Variants in NUMA1 observed in about 807,000 individuals in gnomAD.
The protein encoded by NUMA1 is SP-H antigen.
NUMA1 carries 62 observed loss-of-function variants against 237.1 expected under a neutral mutation model. The observed-to-expected ratio is 0.26, with a 90% CI of 0.21 to 0.32. The LOEUF is 0.32. Among genes scored for constraint, NUMA1 ranks in the 10% least tolerant of loss-of-function variants. The pLI, the probability that NUMA1 is intolerant of heterozygous loss-of-function variation, is 1.00. For synonymous variants in NUMA1, 1,028 were observed against 1,066.1 expected (o/e 0.96, Z 0.70); for missense variants, 2,533 against 2,666.5 (o/e 0.95, Z 1.10).
At chr11:72,064,095 T>C (rs1377554665) in intron 2 of NUMA1, among the ~76,000 whole-genome samples, 1 of 152,034 alleles carries the variant, frequency 6.6e-6, no homozygotes, top group Admixed American at 6.6e-5. Flanking sequence ...AAACTAAATA[T>C]CTAACAATAA....
chr11:72,078,114 C>T (rs953075622), intron 1 of NUMA1, among the ~76,000 whole-genome samples: 1 of 152,200 alleles, frequency 6.6e-6, no homozygotes, highest in South Asian at 2.1e-4. Flanking sequence ...CTCCCGCCTG[C>T]TCCTCCTGCC....
intron 4 of NUMA1, among the ~76,000 whole-genome samples, chr11:72,027,316 C>T (rs565151273): frequency 3.9e-5 from 6 of 152,104 alleles, no homozygotes; most frequent in Non-Finnish European, 7.4e-5. Flanking sequence ...TGTCAGGTGC[C>T]TGGATCTATC....
In NUMA1 at chr11:72,015,153, C is replaced by T; in HGVS notation, c.2350G>A (p.Val784Ile). The change falls in exon 15 of 27, where the codon GTC (valine) becomes ATC (isoleucine). Residue 784 changes from valine to isoleucine, a missense_variant. By Grantham distance (29) the Val-to-Ile change is conservative. Around this residue, in one of 3 missense-constraint regions of NUMA1, gnomAD observed 1,414 missense variants for 1,508.1 expected, o/e 0.94. Coordinates refer to ENST00000393695, the MANE Select transcript of NUMA1 (RefSeq NM_006185.4). The surrounding 1 kb of genome is among the most constrained non-coding windows in gnomAD (Gnocchi z 4.0). ...GCCTCTGCCAGCTCCCGCCGCAGGA[C>T]TTCAGTCTCAGCCTGATGGGCCTCC... ...LGEAHQAETE[V>I]LRRELAEAMA... The T allele has an allele frequency of 6.2e-7, 1 of 1,613,556 alleles. No individual in the cohort carries two copies. The highest frequency in any genetic ancestry group is 8.5e-7 in the Non-Finnish European group (1 of 1,180,036).
chr11:72,004,856 A>G (rs1955574658), intron 23 of NUMA1, 40 bp from the exon 24 acceptor site: 3 of 1,515,948 alleles, frequency 2.0e-6, no homozygotes, highest in East Asian at 2.3e-5. Flanking sequence ...CCATAGCTGT[A>G]TGGAGATGGA....
chr11:72,080,392 C>T (rs1271753380), intron 1 of NUMA1, 66 bp downstream of exon 1: 1 of 151,116 alleles, frequency 6.6e-6, no homozygotes, highest in Non-Finnish European at 1.5e-5. Context: ...TCCAGCACCC[C>T]TTTTAGGCCT....
intron 17 of NUMA1, among the ~76,000 whole-genome samples, chr11:72,010,051 C>T (rs1238361992): frequency 1.3e-5 from 2 of 152,230 alleles, no homozygotes; most frequent in African/African-American, 4.8e-5. Context: ...CCCCCTTTGC[C>T]TCTCCTAACA....
chr11:72,013,997 C>T lies in NUMA1; in HGVS notation c.3506G>A (p.Gly1169Asp), dbSNP rs997963796. 2 of 1,612,586 alleles carry T rather than the reference C, an allele frequency of 1.2e-6. No individual in the cohort carries two copies. Among genetic ancestry groups the T allele is most frequent in the Non-Finnish European group, 1.7e-6 (2 of 1,179,980 alleles). ...CTCCTGGGCCTTCTCCTCTAACTGG[C>T]CCTGCAGAGTCTCCAGAGCACTGTC... Reference protein sequence around the residue: ...ERDSALETLQGQLEEKAQELG... With the variant: ...ERDSALETLQDQLEEKAQELG... The change falls in exon 15 of 27, where the codon GGC becomes GAC. Residue 1169 changes from glycine (G) to aspartate (D), a missense_variant. Physicochemically the swap from Gly to Asp is moderately conservative, Grantham distance 94 (BLOSUM62 -1). Around this residue, in one of 3 missense-constraint regions of NUMA1, gnomAD observed 1,414 missense variants for 1,508.1 expected, o/e 0.94. Transcript: ENST00000393695. The surrounding 1 kb of genome is among the most constrained non-coding windows in gnomAD (Gnocchi z 6.8).
rs760822373 is a variant in NUMA1, at chr11:72,004,115, G to A, written c.6124-16C>T. 5.0e-6 allele frequency: 8 copies of A among 1,612,868 alleles called. No individual in the cohort carries two copies. The African/African-American group carries it at 1.1e-4, about 22-fold the overall frequency. On this transcript the variant is annotated splice_polypyrimidine_tract_variant and intron_variant, in intron 25 of 26. Coordinates refer to ENST00000393695, the MANE Select transcript of NUMA1 (RefSeq NM_006185.4). ...GCCGGTCAGCCTGCAAGGAAGGGCT[G>A]TCAGACCGGGAGACCCAATGCTGCC...
At chr11:72,067,326 A>G (rs1216793313) in intron 2 of NUMA1, 1 of 152,214 alleles carries the variant, frequency 6.6e-6, no homozygotes, top group Non-Finnish European at 1.5e-5. Context: ...ATCCCACTGT[A>G]CCAATCACTA....
rs1006205239 is a variant in NUMA1, at chr11:72,060,836, C to T, written c.-33+9006G>A. 4.6e-5 allele frequency among the ~76,000 whole-genome samples: 7 copies of T among 152,150 alleles called. No individual in the cohort carries two copies. The East Asian group carries it at 5.8e-4, about 13-fold the overall frequency. ...CTGTAATCCCAGCATTTTGGGAGGC[C>T]GAGGCGGGCGGATCACGAGGTCAGG... On this transcript the variant is annotated intron_variant, in intron 2 of 26. Coordinates refer to ENST00000393695, the MANE Select transcript of NUMA1 (RefSeq NM_006185.4).
intron 11 of NUMA1, 35 bp from the exon 12 acceptor site, chr11:72,018,335 G>C: frequency 6.2e-7 from 1 of 1,608,282 alleles, no homozygotes. Flanking sequence ...AGAGAGTATG[G>C]GTTCCTGGCT....
At chr11:72,070,380 G>A (rs886085395) in intron 1 of NUMA1, among the ~76,000 whole-genome samples, 1 of 152,094 alleles carries the variant, frequency 6.6e-6, no homozygotes. Flanking sequence ...CTATTCTACA[G>A]AATATACTCT....
At position 72,013,719 on chromosome 11, in the gene NUMA1, T is replaced by C. The variant is rs566544391; in HGVS notation, c.3784A>G (p.Ser1262Gly). 6.2e-7 allele frequency: 1 copy of C among 1,609,762 alleles called. No homozygotes were observed. Among genetic ancestry groups the C allele is most frequent in the East Asian group, 2.2e-5 (1 of 44,854 alleles). ...CGCAGCCTCTCCTCCAGCTTCTGGC[T>C]CTTCTCTGACTCGGCCATCACCAGC... ...KRLVMAESEK[S>G]QKLEERLRLL... The change falls in exon 15 of 27, where the codon AGC becomes GGC. Residue 1262 changes from serine (S) to glycine (G), a missense_variant. Coordinates refer to ENST00000393695, the MANE Select transcript of NUMA1 (RefSeq NM_006185.4). This position sits in a 1 kb window ranked among gnomAD's most constrained non-coding sequence, Gnocchi z 6.8.
At chr11:72,066,522 T>A (rs1463122976) in intron 2 of NUMA1, 1 of 152,312 alleles carries the variant, frequency 6.6e-6, no homozygotes, top group East Asian at 1.9e-4. Flanking sequence ...ATTTTCCCCA[T>A]ACATGCCAGG....
Position 72,003,264 on chromosome 11 carries a change from G to C in NUMA1, c.*263C>G. ...CCTCAAATCTGGTTGTGATGGAGAA[G>C]TGACTTTGCTTTAAGAAAAAAGGAG... On this transcript the variant is annotated 3_prime_UTR_variant, in exon 27 of 27. Coordinates refer to ENST00000393695, the MANE Select transcript of NUMA1 (RefSeq NM_006185.4). The C allele has an allele frequency of 1.9e-6, 1 of 526,654 alleles. No homozygotes were observed. The highest frequency in any genetic ancestry group is 3.4e-6 in the Non-Finnish European group (1 of 293,064). The allele number at this position is 526,654 out of a possible 1,614,324, so 32.6% of individuals were successfully genotyped here.
At chr11:72,058,383 A>G (rs1942776638) in intron 2 of NUMA1, among the ~76,000 whole-genome samples, 1 of 152,166 alleles carries the variant, frequency 6.6e-6, no homozygotes, top group South Asian at 2.1e-4. Context: ...TATCTCATCT[A>G]ACAATTTATC....
intron 1 of NUMA1, chr11:72,076,542 T>G (rs1307929408): frequency 6.6e-6 from 1 of 152,118 alleles, no homozygotes; most frequent in Non-Finnish European, 1.5e-5. Context: ...TCCCAGCACT[T>G]TGGGAGGCCG....
chr11:72,036,351 T>C (rs753465122), intron 2 of NUMA1, among the ~76,000 whole-genome samples: 2 of 152,258 alleles, frequency 1.3e-5, no homozygotes, highest in Admixed American at 6.5e-5. Context: ...ACCAGGGTCA[T>C]AGGACCTTAG....
chr11:72,015,605 C>T lies in NUMA1; in HGVS notation c.1898G>A (p.Ser633Asn), dbSNP rs201059127. The part of the protein sequence containing the change: ...QLQVANEARD[S>N]AQTSVTQAQR... ...GGCCTGTGTCACTGAGGTCTGGGCA[C>T]TGTCCCGGGCTTCATTAGCCACCTG... Residue 633 changes from serine (S) to asparagine (N), a missense_variant, in exon 15 of 27, where the codon AGT becomes AAT. By Grantham distance (46) the Ser-to-Asn change is conservative. This residue lies in a region of NUMA1 where 1,414 missense variants were observed against 1,508.1 expected (regional missense o/e 0.94). Coordinates refer to ENST00000393695, the MANE Select transcript of NUMA1 (RefSeq NM_006185.4). This position sits in a 1 kb window ranked among gnomAD's most constrained non-coding sequence, Gnocchi z 4.0. 125 of 1,613,620 alleles carry T rather than the reference C, an allele frequency of 7.7e-5. No homozygotes were observed. Among genetic ancestry groups the T allele is most frequent in the Admixed American group, 2.2e-4 (13 of 60,012 alleles).
Sources: allele counts gnomAD v4.1 joint callset (sites outside exome capture counted in the v4.1 genomes callset), GRCh38; gene constraint gnomAD v4.1.1; regional missense constraint gnomAD v4.1.1; non-coding constraint Gnocchi (gnomAD v3.1); transcripts MANE v1.5; gene names NCBI Gene and HGNC (gene_info 2026-07-23, HGNC 2026-07-21).